INAFM1: variants seen among roughly 807,000 people sequenced by gnomAD.
INAFM1 encodes putative transmembrane protein INAFM1.
INAFM1 carries 11 observed loss-of-function variants against 9.4 expected under a neutral mutation model. That is an observed-to-expected ratio of 1.17 (90% CI 0.74 to 1.94). INAFM1 has a LOEUF of 1.94. Among genes scored for constraint, INAFM1 ranks in the 30% most tolerant of loss-of-function variants. The pLI is 0.00. For missense variants in INAFM1, 318 were observed against 221.6 expected, an observed-to-expected ratio of 1.44 and a Z score of -2.76; for synonymous variants, 161 against 109.5, an observed-to-expected ratio of 1.47 and a Z score of -2.94.
At position 47,275,617 on chromosome 19, in the gene INAFM1, G is replaced by A. The variant is rs2059155566; in HGVS notation, c.*269G>A. ...TGCCCCTCCTGCTGTGGGATGCTGA[G>A]CACAGAGCCCACAGCCCATCTGCCT... On this transcript the variant is annotated 3_prime_UTR_variant, in exon 1 of 1. Transcript: ENST00000552360. The A allele has an allele frequency of 9.9e-6, 5 of 504,090 alleles. No individual in the cohort carries two copies. Among genetic ancestry groups the A allele is most frequent in the South Asian group, 3.0e-5 (1 of 33,564 alleles). The allele number at this position is 504,090 out of a possible 1,614,324, so 31.2% of individuals were successfully genotyped here. A position where few individuals can be genotyped will look rare whatever the true frequency, so the allele number is the denominator to read the frequency against.
Position 47,275,280 on chromosome 19 carries a change from G to T in INAFM1, c.361G>T (p.Asp121Tyr), listed in dbSNP as rs1299913157. ...LSRRRRYSDP[D>Y]RRPSRQTPRE... ...CCGCCGCCGCCGCTACAGCGACCCT[G>T]ACCGCCGTCCGAGCCGCCAGACACC... The change falls in exon 1 of 1, where the codon GAC becomes TAC. Residue 121 changes from aspartate (D) to tyrosine (Y), a missense_variant. Transcript: ENST00000552360. 42 of 1,545,684 alleles carry T rather than the reference G, an allele frequency of 2.7e-5. No individual in the cohort carries two copies. The highest frequency in any genetic ancestry group is 3.4e-5 in the Non-Finnish European group (39 of 1,145,196).
chr19:47,274,585 G>A (rs762064374), upstream of INAFM1: 7 of 193,056 alleles, frequency 3.6e-5, no homozygotes, highest in Non-Finnish European at 7.1e-5. Flanking sequence ...CTCCGAGGCG[G>A]GCTAGATGCC....
At position 47,275,409 on chromosome 19, in the gene INAFM1, G is replaced by T; in HGVS notation, c.*61G>T. On this transcript the variant is annotated 3_prime_UTR_variant, in exon 1 of 1. Coordinates refer to ENST00000552360, the MANE Select transcript of INAFM1 (RefSeq NM_178511.6). ...CGAGAGCTCTGTGCTCCACGCCGAG[G>T]ATGCACCGTCTCTGGATTGGTCCGG... is the stretch of plus-strand genomic sequence containing the variant. 1 of 1,505,222 alleles carries T rather than the reference G, an allele frequency of 6.6e-7. No homozygotes were observed. The highest frequency in any genetic ancestry group is 8.9e-7 in the Non-Finnish European group (1 of 1,125,148). 93.2% of individuals were successfully genotyped at this position (1,505,222 alleles called of 1,614,324 possible). A position where few individuals can be genotyped will look rare whatever the true frequency, so the allele number is the denominator to read the frequency against.
Position 47,274,912 on chromosome 19 carries a change from C to T in INAFM1, c.-8C>T, listed in dbSNP as rs1327167905. On this transcript the variant is annotated 5_prime_UTR_variant, in exon 1 of 1. Transcript: ENST00000552360. Reference sequence around the variant, plus strand: ...GGTCTGCGGCGCGGAGCCGAGTGGGCTGCGGGGATGCGGGGGACCAGCTGC... The same window carrying T: ...GGTCTGCGGCGCGGAGCCGAGTGGGTTGCGGGGATGCGGGGGACCAGCTGC... 2 of 1,304,316 alleles carry T rather than the reference C, an allele frequency of 1.5e-6. No individual in the cohort carries two copies. Among genetic ancestry groups the T allele is most frequent in the Non-Finnish European group, 9.6e-7 (1 of 1,038,924 alleles). The allele number at this position is 1,304,316 out of a possible 1,614,324, so 80.8% of individuals were successfully genotyped here.
chr19:47,275,010 G>A lies in INAFM1; in HGVS notation c.91G>A (p.Ala31Thr), dbSNP rs1476397953. The part of the protein sequence containing the change: ...EGPRGRWLRL[A>T]PVCAYFLCVS... Reference sequence around the variant, plus strand: ...CCCGCGGGGGCGCTGGCTGCGCTTGGCTCCGGTATGCGCCTACTTCCTCTG... The same window carrying A: ...CCCGCGGGGGCGCTGGCTGCGCTTGACTCCGGTATGCGCCTACTTCCTCTG... The change falls in exon 1 of 1, where the codon GCT (alanine) becomes ACT (threonine). Residue 31 changes from alanine (A) to threonine (T), a missense_variant. By Grantham distance (58) the Ala-to-Thr change is moderately conservative. Transcript: ENST00000552360. 4 of 1,478,768 alleles carry A rather than the reference G, an allele frequency of 2.7e-6. No individual in the cohort carries two copies. The African/African-American group carries it at 5.9e-5, about 22-fold the overall frequency. 91.6% of individuals were successfully genotyped at this position (1,478,768 alleles called of 1,614,324 possible). A position where few individuals can be genotyped will look rare whatever the true frequency, so the allele number is the denominator to read the frequency against.
Position 47,275,270 on chromosome 19 carries a change from C to T in INAFM1, c.351C>T (p.Tyr117=). ...TGCCGCTGAGCCGCCGCCGCCGCTA[C>T]AGCGACCCTGACCGCCGTCCGAGCC... ...LQLPLSRRRR[Y]SDPDRRPSRQ... Residue 117 remains tyrosine, a synonymous_variant, in exon 1 of 1, where the codon TAC becomes TAT. Transcript: ENST00000552360. 1.3e-6 allele frequency: 2 copies of T among 1,544,058 alleles called. No individual in the cohort carries two copies. The highest frequency in any genetic ancestry group is 5.0e-5 in the East Asian group (2 of 39,924).
In INAFM1 at chr19:47,275,001, C is replaced by T. The variant is rs751205016; in HGVS notation, c.82C>T (p.Leu28=). The T allele has an allele frequency of 1.3e-5, 19 of 1,474,382 alleles. No homozygotes were observed. In the South Asian group the frequency reaches 2.2e-4, roughly 17 times the overall value. The allele number at this position is 1,474,382 out of a possible 1,614,324, so 91.3% of individuals were successfully genotyped here. A position where few individuals can be genotyped will look rare whatever the true frequency, so the allele number is the denominator to read the frequency against. The change falls in exon 1 of 1, where the codon CTG becomes TTG. Residue 28 remains leucine (L), a synonymous_variant. Transcript: ENST00000552360. ...GAGCGAGGGCCCGCGGGGGCGCTGG[C>T]TGCGCTTGGCTCCGGTATGCGCCTA... The part of the protein sequence containing the change: ...GLSEGPRGRW[L]RLAPVCAYFL...
Position 47,275,118 on chromosome 19 carries a change from C to T in INAFM1, c.199C>T (p.Pro67Ser). The stretch of plus-strand genomic sequence containing the variant: ...GCGGTCTCCCGCGGCACCCGCCGGC[C>T]CACAGCCCAGCGCGCCGTCCCCTCC... Reference protein sequence around the residue: ...PTRSPAAPAGPQPSAPSPPCA... With the variant: ...PTRSPAAPAGSQPSAPSPPCA... The change falls in exon 1 of 1, where the codon CCA becomes TCA. Residue 67 changes from proline to serine, a missense_variant. By Grantham distance (74) the Pro-to-Ser change is moderately conservative. Coordinates refer to ENST00000552360, the MANE Select transcript of INAFM1 (RefSeq NM_178511.6). 1 of 1,492,324 alleles carries T rather than the reference C, an allele frequency of 6.7e-7. No individual in the cohort carries two copies. Among genetic ancestry groups the T allele is most frequent in the Middle Eastern group, 1.9e-4 (1 of 5,302 alleles). The allele number at this position is 1,492,324 out of a possible 1,614,324, so 92.4% of individuals were successfully genotyped here.
Position 47,274,913 on chromosome 19 carries a change from T to A in INAFM1, c.-7T>A. 1 of 1,259,404 alleles carries A rather than the reference T, an allele frequency of 7.9e-7. No individual in the cohort carries two copies. The highest frequency in any genetic ancestry group is 9.8e-7 in the Non-Finnish European group (1 of 1,018,616). The allele number at this position is 1,259,404 out of a possible 1,614,324, so 78.0% of individuals were successfully genotyped here. On this transcript the variant is annotated 5_prime_UTR_variant, in exon 1 of 1. Coordinates refer to ENST00000552360, the MANE Select transcript of INAFM1 (RefSeq NM_178511.6). ...GTCTGCGGCGCGGAGCCGAGTGGGC[T>A]GCGGGGATGCGGGGGACCAGCTGCG...
Position 47,275,455 on chromosome 19 carries a change from C to A in INAFM1, c.*107C>A. On this transcript the variant is annotated 3_prime_UTR_variant, in exon 1 of 1. Coordinates refer to ENST00000552360, the MANE Select transcript of INAFM1 (RefSeq NM_178511.6). ...TCCGGCCTTCTTCCTAATGACATCG[C>A]TCAGCGTCTCTGGAGCCGTCATCCC... is the stretch of plus-strand genomic sequence containing the variant. The A allele has an allele frequency of 1.4e-6, 2 of 1,385,300 alleles. No homozygotes were observed. The highest frequency in any genetic ancestry group is 3.0e-5 in the South Asian group (2 of 65,784). 85.8% of individuals were successfully genotyped at this position (1,385,300 alleles called of 1,614,324 possible).
rs1360924715 is a variant in INAFM1, at chr19:47,275,074, G to A, written c.155G>A (p.Gly52Asp). The A allele has an allele frequency of 1.3e-6, 2 of 1,496,984 alleles. No homozygotes were observed. The highest frequency in any genetic ancestry group is 1.8e-4 in the Middle Eastern group (1 of 5,688). 92.7% of individuals were successfully genotyped at this position (1,496,984 alleles called of 1,614,324 possible). ...GCCGTGCTGCTCGCCGTGTACTACGGTCTCATCTGGGTACCCACGCGGTCT... is the reference window on the plus strand; with the variant it reads ...GCCGTGCTGCTCGCCGTGTACTACGATCTCATCTGGGTACCCACGCGGTCT... ...LAAVLLAVYY[G>D]LIWVPTRSPA... Residue 52 changes from glycine (G) to aspartate (D), a missense_variant, in exon 1 of 1, where the codon GGT becomes GAT. By Grantham distance (94) the Gly-to-Asp change is moderately conservative. Transcript: ENST00000552360.
chr19:47,274,814 C>A (rs1247115235), upstream of INAFM1: 7 of 729,362 alleles, frequency 9.6e-6, no homozygotes, highest in East Asian at 5.7e-5. Context: ...GGGGCGGGGC[C>A]GGAGGCGGGC....
upstream of INAFM1, chr19:47,274,646 G>A (rs2059144554): frequency 4.2e-6 from 1 of 239,764 alleles, no homozygotes; most frequent in Non-Finnish European, 7.5e-6. Flanking sequence ...GTGGCGGGAG[G>A]AGGCGGTGAT....
chr19:47,275,498 G>A lies in INAFM1; in HGVS notation c.*150G>A, dbSNP rs1198610469. The A allele has an allele frequency of 4.3e-6, 5 of 1,159,672 alleles. No individual in the cohort carries two copies. The highest frequency in any genetic ancestry group is 5.9e-6 in the Non-Finnish European group (5 of 850,410). The allele number at this position is 1,159,672 out of a possible 1,614,324, so 71.8% of individuals were successfully genotyped here. ...GTCATCCCGCGGAATGGGGGCCCAG[G>A]GGGTGTCAGCTCGGGGCCTTGCCTC... On this transcript the variant is annotated 3_prime_UTR_variant, in exon 1 of 1. Transcript: ENST00000552360.
upstream of INAFM1, chr19:47,274,718 G>A (rs2059145160): frequency 4.0e-6 from 1 of 252,122 alleles, no homozygotes. Flanking sequence ...TAGCACCTCC[G>A]CCTGTCGGTG....
Position 47,275,403 on chromosome 19 carries a change from G to T in INAFM1, c.*55G>T, listed in dbSNP as rs1445960263. The stretch of plus-strand genomic sequence containing the variant: ...AGCCCTCGAGAGCTCTGTGCTCCAC[G>T]CCGAGGATGCACCGTCTCTGGATTG... On this transcript the variant is annotated 3_prime_UTR_variant, in exon 1 of 1. Coordinates refer to ENST00000552360, the MANE Select transcript of INAFM1 (RefSeq NM_178511.6). 1.2e-4 allele frequency: 187 copies of T among 1,509,236 alleles called. No homozygotes were observed. The highest frequency in any genetic ancestry group is 1.6e-4 in the Non-Finnish European group (180 of 1,127,130). 93.5% of individuals were successfully genotyped at this position (1,509,236 alleles called of 1,614,324 possible).
At position 47,275,410 on chromosome 19, in the gene INAFM1, A is replaced by G; in HGVS notation, c.*62A>G. 1 of 1,503,110 alleles carries G rather than the reference A, an allele frequency of 6.7e-7. No homozygotes were observed. Among genetic ancestry groups the G allele is most frequent in the Middle Eastern group, 1.8e-4 (1 of 5,686 alleles). 93.1% of individuals were successfully genotyped at this position (1,503,110 alleles called of 1,614,324 possible). ...GAGAGCTCTGTGCTCCACGCCGAGG[A>G]TGCACCGTCTCTGGATTGGTCCGGC... On this transcript the variant is annotated 3_prime_UTR_variant, in exon 1 of 1. Coordinates refer to ENST00000552360, the MANE Select transcript of INAFM1 (RefSeq NM_178511.6).
At position 47,275,515 on chromosome 19, in the gene INAFM1, C is replaced by A; in HGVS notation, c.*167C>A. ...GGGCCCAGGGGGTGTCAGCTCGGGG[C>A]CTTGCCTCTTGCAGCTACTCTGTGG... On this transcript the variant is annotated 3_prime_UTR_variant, in exon 1 of 1. Coordinates refer to ENST00000552360, the MANE Select transcript of INAFM1 (RefSeq NM_178511.6). 1.0e-6 allele frequency: 1 copy of A among 962,092 alleles called. No individual in the cohort carries two copies. The highest frequency in any genetic ancestry group is 1.5e-6 in the Non-Finnish European group (1 of 672,624). The allele number at this position is 962,092 out of a possible 1,614,324, so 59.6% of individuals were successfully genotyped here.
upstream of INAFM1, chr19:47,274,628 A>C: frequency 3.3e-5 from 6 of 183,386 alleles, no homozygotes; most frequent in Admixed American, 8.8e-5. Context: ...TGGGAAGAGA[A>C]CCGTGTTGTG....
Sources: gnomAD v4.1 joint callset for allele counts on GRCh38, gnomAD v4.1.1 for gene constraint, MANE v1.5 for transcripts, NCBI Gene and HGNC (gene_info 2026-07-23, HGNC 2026-07-21) for gene names.